Variants in ANK1 observed in about 807,000 individuals in gnomAD.
The protein encoded by ANK1 is ankyrin 1, also known as ankyrin-1.
A neutral mutation model predicts 210.4 loss-of-function variants in ANK1; 51 were observed. The observed-to-expected ratio is 0.24, with a 90% confidence interval of 0.19 to 0.31. The LOEUF is 0.31. Among genes scored for constraint, ANK1 ranks in the 10% least tolerant of loss-of-function variants. The pLI is 1.00. For missense variants in ANK1, 2,051 were observed against 2,504.4 expected (o/e 0.82, Z 3.86); for synonymous variants, 967 against 1,025.9 (o/e 0.94, Z 1.10).
At chr8:41,710,497 G>A (rs2150624798) in intron 16 of ANK1, among the ~76,000 whole-genome samples, 1 of 152,356 alleles carries the variant, frequency 6.6e-6, no homozygotes, top group South Asian at 2.1e-4. Flanking sequence ...TGATTCAGAG[G>A]CGCTAGGGAG....
chr8:41,836,180 G>A (rs1436804907), intron 1 of ANK1, among the ~76,000 whole-genome samples: 1 of 152,256 alleles, frequency 6.6e-6, no homozygotes, highest in Non-Finnish European at 1.5e-5. Context: ...AGAACCCACA[G>A]CATCTCACGG....
intron 1 of ANK1, among the ~76,000 whole-genome samples, chr8:41,773,115 A>G (rs1380300492): frequency 6.6e-6 from 1 of 152,126 alleles, no homozygotes; most frequent in Non-Finnish European, 1.5e-5. Context: ...AGAAAGGGAG[A>G]GAGGAATGGA....
At chr8:41,880,769 A>G (rs1817446727) in intron 1 of ANK1, among the ~76,000 whole-genome samples, 1 of 152,228 alleles carries the variant, frequency 6.6e-6, no homozygotes. Flanking sequence ...TTCTGCATCC[A>G]AACTCAAGCT....
chr8:41,866,266 T>A (rs1395688753), intron 1 of ANK1, among the ~76,000 whole-genome samples: 1 of 152,228 alleles, frequency 6.6e-6, no homozygotes, highest in Non-Finnish European at 1.5e-5. Flanking sequence ...CACAGCTCAT[T>A]GCGGCCTTGA....
Position 41,671,692 on chromosome 8 carries a change from C to T in ANK1, c.5096+662G>A, listed in dbSNP as rs182971542. Among the ~76,000 whole-genome samples the T allele has an allele frequency of 3.0e-3, 398 of 132,278 alleles. 1 individual carries two copies. Among genetic ancestry groups the T allele is most frequent in the Non-Finnish European group, 4.6e-3 (286 of 62,106 alleles). 86.8% of individuals were successfully genotyped at this position (132,278 alleles called of 152,430 possible). ...CCCTAAGTGAGCCCTCCCGGCGCCCCGATGTCCCTAAGTGAGTCTTCCCGG... is the reference window on the plus strand; with the variant it reads ...CCCTAAGTGAGCCCTCCCGGCGCCCTGATGTCCCTAAGTGAGTCTTCCCGG... On this transcript the variant is annotated intron_variant, in intron 38 of 42. Transcript: ENST00000289734.
At chr8:41,862,068 C>A (rs1813371718) in intron 1 of ANK1, among the ~76,000 whole-genome samples, 1 of 152,184 alleles carries the variant, frequency 6.6e-6, no homozygotes, top group African/African-American at 2.4e-5. Context: ...GGAACTGGAA[C>A]AAAATTTCGG....
At chr8:41,883,461 T>G (rs189683666) in intron 1 of ANK1, among the ~76,000 whole-genome samples, 264 of 152,180 alleles carry the variant, frequency 1.7e-3, no homozygotes, top group Non-Finnish European at 2.8e-3. Flanking sequence ...TTTGTTTGTT[T>G]GTTTGTTTGT....
rs370720595 is a variant in ANK1 at position 41,723,083 on chromosome 8, G to T, written c.909+42C>A. 1.5e-4 allele frequency: 229 copies of T among 1,566,534 alleles called. 4 individuals are homozygous for T. Among genetic ancestry groups the T allele is most frequent in the Non-Finnish European group, 3.3e-5 (38 of 1,136,736 alleles). Reference sequence around the variant, plus strand: ...TGATGCCAGGTCTGTTGGACCTGGAGCCCTGTCTAGAAAATGCGCCTGACA... The same window carrying T: ...TGATGCCAGGTCTGTTGGACCTGGATCCCTGTCTAGAAAATGCGCCTGACA... On this transcript the variant is annotated intron_variant, in intron 9 of 42. Coordinates refer to ENST00000289734, the MANE Select transcript of ANK1 (RefSeq NM_000037.4).
Position 41,719,772 on chromosome 8 carries a change from G to C in ANK1, c.996C>G (p.Asp332Glu). The C allele has an allele frequency of 6.2e-7, 1 of 1,614,182 alleles. No homozygotes were observed. ...RLLLQYDAEI[D>E]DITLDHLTPL... is the part of the protein sequence containing the mutation. ...GGGTCAGGTGGTCCAGGGTGATGTC[G>C]TCTATCTCTGCGTCGTATTGCAACA... The change falls in exon 10 of 43, where the codon GAC becomes GAG. Residue 332 changes from aspartate to glutamate, a missense_variant. Transcript: ENST00000289734.
chr8:41,772,521 A>G (rs1361162271), intron 1 of ANK1, among the ~76,000 whole-genome samples: 2 of 152,144 alleles, frequency 1.3e-5, no homozygotes, highest in Admixed American at 6.5e-5. Context: ...TTGCTTCAAC[A>G]CTGGAAAATC....
chr8:41,840,371 A>T (rs1408226223), intron 1 of ANK1: 1 of 152,214 alleles, frequency 6.6e-6, no homozygotes, highest in African/African-American at 2.4e-5. Flanking sequence ...TGTTATAAAA[A>T]ATATATACTC....
At chr8:41,729,065 G>A (rs1342488225) in intron 3 of ANK1, among the ~76,000 whole-genome samples, 1 of 152,214 alleles carries the variant, frequency 6.6e-6, no homozygotes, top group Non-Finnish European at 1.5e-5. Context: ...ATGGGAGGCA[G>A]GAGAGTGAGG....
chr8:41,694,473 A>T lies in ANK1; in HGVS notation c.3327+119T>A. 9.6e-7 allele frequency: 1 copy of T among 1,037,824 alleles called. No individual in the cohort carries two copies. Among genetic ancestry groups the T allele is most frequent in the Non-Finnish European group, 1.4e-6 (1 of 697,002 alleles). The allele number at this position is 1,037,824 out of a possible 1,614,324, so 64.3% of individuals were successfully genotyped here. A position where few individuals can be genotyped will look rare whatever the true frequency, so the allele number is the denominator to read the frequency against. ...CTTTGAGCTTTAAACTCAGATCTCC[A>T]CTGTGGCATTTCAAAGCACCAGACA... On this transcript the variant is annotated intron_variant, in intron 28 of 42. Coordinates refer to ENST00000289734, the MANE Select transcript of ANK1 (RefSeq NM_000037.4). This position sits in a 1 kb window ranked among gnomAD's most constrained non-coding sequence, Gnocchi z 5.7.
At position 41,729,081 on chromosome 8, in the gene ANK1, A is replaced by G. The variant is rs560689720; in HGVS notation, c.229-1075T>C. On this transcript the variant is annotated intron_variant, in intron 3 of 42. Coordinates refer to ENST00000289734, the MANE Select transcript of ANK1 (RefSeq NM_000037.4). Reference sequence around the variant, plus strand: ...TGGGAGGCAGGAGAGTGAGGAAAGCATTATACAGAAAAGGAAAGGGTAAGA... The same window carrying G: ...TGGGAGGCAGGAGAGTGAGGAAAGCGTTATACAGAAAAGGAAAGGGTAAGA... 3.8e-4 allele frequency among the ~76,000 whole-genome samples: 58 copies of G among 152,374 alleles called. 1 individual carries two copies. The highest frequency in any genetic ancestry group is 1.3e-3 in the African/African-American group (56 of 41,590).
chr8:41,758,268 A>G (rs1839647802), intron 1 of ANK1, 131 bp from the exon 2 acceptor site: 1 of 806,478 alleles, frequency 1.2e-6, no homozygotes, highest in African/African-American at 1.7e-5. Context: ...CAGTGACACC[A>G]GGTGTGCACA....
chr8:41,833,883 C>G (rs1482544658), intron 1 of ANK1, among the ~76,000 whole-genome samples: 2 of 152,192 alleles, frequency 1.3e-5, no homozygotes, highest in East Asian at 3.9e-4. Context: ...CTAAGAGCCC[C>G]GAGGCCATGC....
intron 20 of ANK1, 69 bp from the exon 21 acceptor site, chr8:41,702,213 G>GAC: frequency 1.5e-6 from 2 of 1,316,406 alleles, no homozygotes; most frequent in South Asian, 2.4e-5. Context: ...TGGCTCCCTA[G>GAC]ACACAGATCG....
At chr8:41,886,457 G>C (rs865860551) in intron 1 of ANK1, among the ~76,000 whole-genome samples, 1 of 152,324 alleles carries the variant, frequency 6.6e-6, no homozygotes, top group African/African-American at 2.4e-5. Flanking sequence ...TCACTCCACA[G>C]GCCACAGCTC....
intron 3 of ANK1, among the ~76,000 whole-genome samples, chr8:41,729,401 G>GT (rs1388662940): frequency 6.6e-6 from 1 of 152,126 alleles, no homozygotes. Flanking sequence ...GTTTTATTTT[G>GT]TTTTTAGAAT....
Sources: gnomAD v4.1 joint callset for allele counts (sites outside exome capture counted in the v4.1 genomes callset) on GRCh38, gnomAD v4.1.1 for gene constraint, Gnocchi (gnomAD v3.1) non-coding constraint, MANE v1.5 for transcripts, NCBI Gene and HGNC (gene_info 2026-07-23, HGNC 2026-07-21) for gene names.